Variants in CDH18 observed in about 807,000 individuals in gnomAD.
The protein encoded by CDH18 is cadherin-18.
CDH18 carries 31 observed loss-of-function variants against 67.9 expected under a neutral mutation model. That is an observed-to-expected ratio of 0.46 (90% CI 0.34 to 0.62). The LOEUF (loss-of-function observed/expected upper bound fraction) is 0.62. Among genes scored for constraint, CDH18 ranks in the 20% least tolerant of loss-of-function variants. The probability of loss-of-function intolerance (pLI) is 0.01; values close to 1 mark genes in which losing one functional copy is unlikely to be tolerated. For synonymous variants in CDH18, 362 were observed against 347.2 expected, an observed-to-expected ratio of 1.04 and a Z score of -0.48; for missense variants, 890 against 975.5, an observed-to-expected ratio of 0.91 and a Z score of 1.17.
At chr5:19,861,110 T>C (rs1421704849) in intron 2 of CDH18, among the ~76,000 whole-genome samples, 6 of 152,172 alleles carry the variant, frequency 3.9e-5, no homozygotes, top group South Asian at 2.1e-4. Context: ...AGTGTTCCCA[T>C]TGAGGACCTA....
At chr5:20,506,954 A>G (rs1277595846) in intron 1 of CDH18, among the ~76,000 whole-genome samples, 2 of 152,176 alleles carry the variant, frequency 1.3e-5, no homozygotes, top group Non-Finnish European at 2.9e-5. Context: ...CTAGCACTGA[A>G]AAGATAGGCA....
At chr5:19,520,465 G>A (rs1049884879) in intron 10 of CDH18, among the ~76,000 whole-genome samples, 192 bp downstream of exon 10, 1 of 151,950 alleles carries the variant, frequency 6.6e-6, no homozygotes, top group South Asian at 2.1e-4. Flanking sequence ...GTTACATTTC[G>A]GATCCAAAGA....
intron 2 of CDH18, among the ~76,000 whole-genome samples, chr5:20,241,468 T>C (rs1179867035): frequency 6.6e-6 from 1 of 152,152 alleles, no homozygotes; most frequent in Non-Finnish European, 1.5e-5. Context: ...AGGGATGATG[T>C]TGCAGAGGTG....
intron 5 of CDH18, among the ~76,000 whole-genome samples, chr5:19,655,847 A>T (rs1337420042): frequency 6.6e-6 from 1 of 152,136 alleles, no homozygotes; most frequent in Non-Finnish European, 1.5e-5. Flanking sequence ...GCACTCTCTA[A>T]CAGGCTGTCA....
chr5:20,239,980 T>A (rs1183682366), intron 2 of CDH18, among the ~76,000 whole-genome samples: 1 of 151,806 alleles, frequency 6.6e-6, no homozygotes, highest in African/African-American at 2.4e-5. Context: ...TAAATTGAAG[T>A]GGCATAATAG....
chr5:20,258,415 T>C (rs6890386), intron 1 of CDH18, among the ~76,000 whole-genome samples: 73,751 of 151,910 alleles, frequency 0.49, 18,338 homozygotes, highest in African/African-American at 0.61. Flanking sequence ...TACTTGGTTT[T>C]ATTCAGCATT....
intron 2 of CDH18, among the ~76,000 whole-genome samples, chr5:19,901,219 A>G (rs1408822070): frequency 6.6e-6 from 1 of 152,102 alleles, no homozygotes; most frequent in Non-Finnish European, 1.5e-5. Context: ...TTAAAAGTAG[A>G]TATTTTATTT....
chr5:20,368,084 G>C (rs1308423763), intron 1 of CDH18, among the ~76,000 whole-genome samples: 1 of 152,094 alleles, frequency 6.6e-6, no homozygotes, highest in Non-Finnish European at 1.5e-5. Flanking sequence ...GGGACTCCTG[G>C]GGTGAAATGT....
chr5:20,328,399 A>G (rs1020237155), intron 1 of CDH18, among the ~76,000 whole-genome samples: 3 of 151,946 alleles, frequency 2.0e-5, no homozygotes, highest in South Asian at 2.1e-4. Flanking sequence ...GTTGAGAGTA[A>G]AAGAGAGGAG....
At chr5:19,527,239 G>A (rs941948607) in intron 9 of CDH18, among the ~76,000 whole-genome samples, 1 of 151,694 alleles carries the variant, frequency 6.6e-6, no homozygotes, top group Non-Finnish European at 1.5e-5. Flanking sequence ...TGAAATGAGA[G>A]TAGTTTTTCC....
intron 1 of CDH18, among the ~76,000 whole-genome samples, chr5:20,403,018 T>C (rs1486444809): frequency 7.1e-5 from 4 of 56,062 alleles, no homozygotes; most frequent in Non-Finnish European, 1.2e-4. Context: ...CTACTAAAAA[T>C]ACAAAAAAAA....
chr5:19,908,862 C>G (rs970888145), intron 2 of CDH18, among the ~76,000 whole-genome samples: 1 of 152,054 alleles, frequency 6.6e-6, no homozygotes, highest in African/African-American at 2.4e-5. Context: ...AAATCCAAAA[C>G]GGAATAAAAA....
At chr5:20,265,174 T>C (rs1011611758) in intron 1 of CDH18, among the ~76,000 whole-genome samples, 1 of 152,174 alleles carries the variant, frequency 6.6e-6, no homozygotes, top group Non-Finnish European at 1.5e-5. Flanking sequence ...CTCCCTAATA[T>C]TTATGTCCTT....
chr5:20,250,147 C>T (rs1301561617), intron 2 of CDH18, among the ~76,000 whole-genome samples: 1 of 152,184 alleles, frequency 6.6e-6, no homozygotes, highest in African/African-American at 2.4e-5. Flanking sequence ...GTAAAGTCAA[C>T]ATAAAGACAT....
At chr5:20,555,359 T>C (rs576654629) in intron 1 of CDH18, among the ~76,000 whole-genome samples, 1 of 135,752 alleles carries the variant, frequency 7.4e-6, no homozygotes, top group East Asian at 2.1e-4. Context: ...TGGTATTTTG[T>C]TATAGTAGTC....
intron 4 of CDH18, among the ~76,000 whole-genome samples, chr5:19,722,575 A>G (rs1766253018): frequency 1.3e-5 from 2 of 151,364 alleles, no homozygotes; most frequent in African/African-American, 2.4e-5. Context: ...TAATATTTCA[A>G]TTGTTTCTAA....
intron 2 of CDH18, among the ~76,000 whole-genome samples, chr5:20,095,317 A>C (rs1017926928): frequency 1.8e-5 from 1 of 56,720 alleles, no homozygotes; most frequent in African/African-American, 4.7e-5. Flanking sequence ...GAAAGAAAGA[A>C]AGAAAGAAAG....
Position 19,955,454 on chromosome 5 carries a change from T to C in CDH18, c.-257+25606A>G, listed in dbSNP as rs374585462. 5.9e-4 allele frequency among the ~76,000 whole-genome samples: 90 copies of C among 152,236 alleles called. No homozygotes were observed. In the South Asian group the frequency reaches 0.016, roughly 27 times the overall value. On this transcript the variant is annotated intron_variant, in intron 2 of 12. Transcript: ENST00000382275. ...GAATTCTGATAAAGCTGTGAGATGA[T>C]GAATTTAAATTTTATTCCCTTCCCT...
intron 8 of CDH18, among the ~76,000 whole-genome samples, chr5:19,546,791 G>C (rs1736396139): frequency 6.6e-6 from 1 of 152,052 alleles, no homozygotes; most frequent in Non-Finnish European, 1.5e-5. Context: ...TACAGAGCAA[G>C]GAGCATGCCA....
Sources: allele counts gnomAD v4.1 joint callset (sites outside exome capture counted in the v4.1 genomes callset), GRCh38; gene constraint gnomAD v4.1.1; transcripts MANE v1.5; gene names NCBI Gene and HGNC (gene_info 2026-07-23, HGNC 2026-07-21).